The following GRM8 variants were observed in gnomAD, a reference collection of about 807,000 sequenced individuals.
The protein encoded by GRM8 is glutamate metabotropic receptor 8.
GRM8 carries 47 observed loss-of-function variants against 87.2 expected under a neutral mutation model. The ratio of observed to expected loss-of-function variants is 0.54; its 90% CI spans 0.43 to 0.69. GRM8 has a LOEUF of 0.69. Ranked by LOEUF, GRM8 falls within the 30% of genes least tolerant of loss-of-function variation. The pLI is 0.00. For missense variants in GRM8, 1,019 were observed against 1,139.2 expected (o/e 0.89, Z 1.52); for synonymous variants, 396 against 404.5 (o/e 0.98, Z 0.25).
At chr7:126,885,134 ACT>A (rs1454906632) in intron 6 of GRM8, among the ~76,000 whole-genome samples, 5 of 151,926 alleles carry the variant, frequency 3.3e-5, no homozygotes, top group Non-Finnish European at 7.4e-5. Context: ...AATTCACCAC[ACT>A]CTGGCACAAA....
At chr7:126,492,015 A>G (rs1481499961) in intron 9 of GRM8, among the ~76,000 whole-genome samples, 1 of 152,018 alleles carries the variant, frequency 6.6e-6, no homozygotes, top group Non-Finnish European at 1.5e-5. Flanking sequence ...CAATTCCCAC[A>G]AGCCTTAAAA....
intron 8 of GRM8, among the ~76,000 whole-genome samples, chr7:126,542,154 G>A (rs1022996840): frequency 5.9e-5 from 9 of 152,116 alleles, no homozygotes; most frequent in Non-Finnish European, 1.3e-4. Context: ...CCAGAACTAT[G>A]AGAAAATAAA....
At chr7:126,466,172 C>T (rs1387129457) in intron 9 of GRM8, among the ~76,000 whole-genome samples, 1 of 144,824 alleles carries the variant, frequency 6.9e-6, no homozygotes, top group African/African-American at 2.8e-5. Context: ...AAAAAAGGTA[C>T]TTTTTTTTTA....
chr7:127,091,951 CCCCCATCCCACT>C (rs1824166332), intron 3 of GRM8, among the ~76,000 whole-genome samples: 1 of 90,346 alleles, frequency 1.1e-5, no homozygotes, highest in African/African-American at 4.5e-5. Flanking sequence ...ACTGGTCATC[CCCCCATCCCACT>C]GACCATCCCC....
At chr7:126,929,527 G>A (rs905497416) in intron 3 of GRM8, among the ~76,000 whole-genome samples, 8 of 152,168 alleles carry the variant, frequency 5.3e-5, no homozygotes, top group South Asian at 2.1e-4. Context: ...TCCACCTCCC[G>A]GGGTCAAGCG....
Position 127,162,497 on chromosome 7 carries a change from C to T in GRM8, c.511-55785G>A, listed in dbSNP as rs186677979. Among the ~76,000 whole-genome samples, 3 of 152,294 alleles carry T rather than the reference C, an allele frequency of 2.0e-5. No individual in the cohort carries two copies. In the East Asian group the frequency reaches 5.8e-4, roughly 29 times the overall value. On this transcript the variant is annotated intron_variant, in intron 2 of 10. Coordinates refer to ENST00000339582, the MANE Select transcript of GRM8 (RefSeq NM_000845.3). ...GACTTCAGGATGGCTTTCTTGCAGT[C>T]AGGGAATGGTTGCCTGGGTAACCAA...
chr7:126,709,004 T>C (rs1253649494), intron 7 of GRM8, among the ~76,000 whole-genome samples: 1 of 152,180 alleles, frequency 6.6e-6, no homozygotes, highest in East Asian at 1.9e-4. Flanking sequence ...GTAATGCATA[T>C]GTTAATTAGC....
At chr7:127,230,839 T>G (rs979651516) in intron 2 of GRM8, among the ~76,000 whole-genome samples, 3 of 152,154 alleles carry the variant, frequency 2.0e-5, no homozygotes, top group African/African-American at 7.2e-5. Context: ...GGCTATTGTT[T>G]AAGCCACCCA....
At chr7:126,618,467 G>A (rs1799764365) in intron 7 of GRM8, among the ~76,000 whole-genome samples, 1 of 152,158 alleles carries the variant, frequency 6.6e-6, no homozygotes, top group South Asian at 2.1e-4. Flanking sequence ...ATAGGCATGG[G>A]CATGGACTTC....
intron 7 of GRM8, among the ~76,000 whole-genome samples, chr7:126,674,652 C>A (rs1231552314): frequency 6.6e-6 from 1 of 151,866 alleles, no homozygotes; most frequent in East Asian, 1.9e-4. Flanking sequence ...GTACAATTGG[C>A]CTTCCCAAGA....
intron 8 of GRM8, among the ~76,000 whole-genome samples, chr7:126,596,720 G>A (rs925912490): frequency 1.3e-5 from 2 of 152,120 alleles, no homozygotes; most frequent in African/African-American, 4.8e-5. Flanking sequence ...TAAATACATA[G>A]TATAAGCATA....
At chr7:126,990,554 T>C (rs1454712580) in intron 3 of GRM8, among the ~76,000 whole-genome samples, 1 of 152,204 alleles carries the variant, frequency 6.6e-6, no homozygotes, top group Non-Finnish European at 1.5e-5. Context: ...GATAGCTTGA[T>C]GTGGGAATAA....
intron 6 of GRM8, among the ~76,000 whole-genome samples, chr7:126,818,156 A>T (rs1268886781): frequency 5.3e-5 from 8 of 151,986 alleles, no homozygotes; most frequent in Non-Finnish European, 8.8e-5. Context: ...TTCTAAGAAA[A>T]CTGTGACTCT....
intron 9 of GRM8, among the ~76,000 whole-genome samples, chr7:126,505,931 T>C (rs1810396815): frequency 6.6e-6 from 1 of 152,034 alleles, no homozygotes. Context: ...TGCTGTACAT[T>C]AGGGGTCAAG....
At chr7:127,074,705 A>C (rs1483816132) in intron 3 of GRM8, among the ~76,000 whole-genome samples, 1 of 152,186 alleles carries the variant, frequency 6.6e-6, no homozygotes, top group Non-Finnish European at 1.5e-5. Context: ...GTCTCCTAAC[A>C]GTGCTGGATA....
intron 3 of GRM8, among the ~76,000 whole-genome samples, chr7:126,987,792 T>TG (rs1157962435): frequency 6.6e-6 from 1 of 152,154 alleles, no homozygotes; most frequent in Non-Finnish European, 1.5e-5. Flanking sequence ...CTCCAACACA[T>TG]GTACCTGAGC....
At chr7:127,027,254 G>A (rs982547567) in intron 3 of GRM8, among the ~76,000 whole-genome samples, 4 of 152,200 alleles carry the variant, frequency 2.6e-5, no homozygotes, top group Admixed American at 6.5e-5. Flanking sequence ...AGTATAGTTT[G>A]AAGTCAGGTA....
At chr7:126,650,541 C>A (rs11976897) in intron 7 of GRM8, among the ~76,000 whole-genome samples, 46,664 of 151,826 alleles carry the variant, frequency 0.31, 8,032 homozygotes, top group East Asian at 0.43. Flanking sequence ...GAGAAATGGC[C>A]AGATGTGTGA....
chr7:126,846,950 C>CATT (rs1162283967), intron 6 of GRM8, among the ~76,000 whole-genome samples: 6 of 152,228 alleles, frequency 3.9e-5, no homozygotes, highest in African/African-American at 1.4e-4. Context: ...CCATATTCTC[C>CATT]ATTTATTAAA....
Sources: gnomAD v4.1 joint callset for allele counts (sites outside exome capture counted in the v4.1 genomes callset) on GRCh38, gnomAD v4.1.1 for gene constraint, MANE v1.5 for transcripts, NCBI Gene and HGNC (gene_info 2026-07-23, HGNC 2026-07-21) for gene names.